DLG2: variants seen among roughly 807,000 people sequenced by gnomAD.
The protein encoded by DLG2 is disks large homolog 2.
Under a neutral mutation model 132.5 loss-of-function variants are expected in DLG2, and 45 were observed. The ratio of observed to expected loss-of-function variants is 0.34; its 90% CI spans 0.27 to 0.44. The LOEUF is 0.44. Among genes scored for constraint, DLG2 ranks in the 20% least tolerant of loss-of-function variants. DLG2 has a pLI of 1.00. For synonymous variants in DLG2, 424 were observed against 419.6 expected, an observed-to-expected ratio of 1.01 and a Z score of -0.13; for missense variants, 1,045 against 1,196.9, an observed-to-expected ratio of 0.87 and a Z score of 1.87.
intron 6 of DLG2, among the ~76,000 whole-genome samples, chr11:84,650,799 T>C (rs1484139379): frequency 1.3e-5 from 2 of 149,760 alleles, no homozygotes; most frequent in Non-Finnish European, 3.0e-5. Flanking sequence ...TGTGTTAATA[T>C]GCTGTAATGG....
intron 3 of DLG2, among the ~76,000 whole-genome samples, chr11:85,386,835 A>G (rs1364821471): frequency 1.3e-5 from 2 of 150,388 alleles, no homozygotes; most frequent in African/African-American, 4.9e-5. Context: ...AGAGAAAGAG[A>G]GGGTAAGACA....
intron 18 of DLG2, among the ~76,000 whole-genome samples, chr11:83,713,915 T>C (rs573864713): frequency 2.1e-4 from 32 of 152,268 alleles, no homozygotes; most frequent in African/African-American, 7.5e-4. Flanking sequence ...GGAACACAGA[T>C]GTCTTTTCAG....
intron 3 of DLG2, among the ~76,000 whole-genome samples, chr11:85,366,822 C>T (rs574048742): frequency 2.6e-5 from 4 of 152,240 alleles, no homozygotes; most frequent in Non-Finnish European, 1.5e-5. Flanking sequence ...GTCTTGAATA[C>T]TATTAATCTT....
intron 7 of DLG2, among the ~76,000 whole-genome samples, chr11:84,488,152 T>G (rs965009934): frequency 6.6e-6 from 1 of 152,022 alleles, no homozygotes; most frequent in Non-Finnish European, 1.5e-5. Flanking sequence ...GAAACTCAAA[T>G]TGGGAGAAAG....
intron 6 of DLG2, among the ~76,000 whole-genome samples, chr11:84,679,468 A>G (rs917507156): frequency 1.3e-5 from 2 of 152,062 alleles, no homozygotes; most frequent in African/African-American, 4.8e-5. Flanking sequence ...TTTTCCTGAG[A>G]TAATGAATGA....
intron 6 of DLG2, among the ~76,000 whole-genome samples, chr11:84,784,343 AATAAAT>A (rs2072448235): frequency 6.8e-6 from 1 of 147,630 alleles, no homozygotes; most frequent in Non-Finnish European, 1.5e-5. Context: ...TAAATAAATA[AATAAAT>A]AAATAAATAA....
At chr11:85,111,455 T>C (rs2072721391) in intron 6 of DLG2, among the ~76,000 whole-genome samples, 1 of 152,148 alleles carries the variant, frequency 6.6e-6, no homozygotes, top group African/African-American at 2.4e-5. Flanking sequence ...TTCCAAGTTA[T>C]CCTGACTCCA....
rs140617980 is a variant in DLG2, at chr11:83,797,129, G to C, written c.1723-10337C>G. Among the ~76,000 whole-genome samples, 233 of 152,208 alleles carry C rather than the reference G, an allele frequency of 1.5e-3. 4 individuals carry two copies. The highest frequency in any genetic ancestry group is 5.0e-3 in the African/African-American group (206 of 41,520). The stretch of plus-strand genomic sequence containing the variant: ...GGCACATATGGAGGGCTGGAGGTGA[G>C]AGAGGGCCTGCACATCTGAAGAACA... On this transcript the variant is annotated intron_variant, in intron 17 of 27. Coordinates refer to ENST00000376104, the MANE Select transcript of DLG2 (RefSeq NM_001142699.3).
chr11:85,221,794 T>G (rs1420347604), intron 4 of DLG2, among the ~76,000 whole-genome samples: 1 of 152,226 alleles, frequency 6.6e-6, no homozygotes. Context: ...TCAAGACCAT[T>G]TGTGCCTGAC....
chr11:84,861,840 A>G (rs1379057784), intron 6 of DLG2, among the ~76,000 whole-genome samples: 1 of 152,086 alleles, frequency 6.6e-6, no homozygotes, highest in African/African-American at 2.4e-5. Context: ...TATGAGAACA[A>G]CAAACATATG....
intron 7 of DLG2, among the ~76,000 whole-genome samples, chr11:84,518,553 C>T (rs2099280600): frequency 6.6e-6 from 1 of 152,096 alleles, no homozygotes; most frequent in Admixed American, 6.6e-5. Flanking sequence ...TCTAACAGAT[C>T]TCACAACTGA....
chr11:84,132,421 T>C (rs1383470042), intron 9 of DLG2, among the ~76,000 whole-genome samples: 1 of 151,922 alleles, frequency 6.6e-6, no homozygotes, highest in African/African-American at 2.4e-5. Context: ...TTTGACTCCC[T>C]ATTATAGTCT....
intron 5 of DLG2, chr11:85,133,235 T>C (rs2075871364): frequency 6.4e-6 from 1 of 156,220 alleles, no homozygotes; most frequent in South Asian, 1.9e-4. Flanking sequence ...TTTGCCAAAG[T>C]CCCCCCTTTG....
At chr11:83,988,841 C>G (rs1357545393) in intron 11 of DLG2, among the ~76,000 whole-genome samples, 1 of 152,092 alleles carries the variant, frequency 6.6e-6, no homozygotes, top group East Asian at 1.9e-4. Flanking sequence ...TTATCCTGCT[C>G]TAGTTTTCAT....
chr11:83,581,040 C>G (rs532938049), intron 19 of DLG2, among the ~76,000 whole-genome samples: 15 of 151,536 alleles, frequency 9.9e-5, no homozygotes, highest in African/African-American at 3.6e-4. Flanking sequence ...ATTAGGCACT[C>G]TGAGAGACAA....
At chr11:84,385,171 G>A (rs1305994178) in intron 7 of DLG2, among the ~76,000 whole-genome samples, 1 of 151,788 alleles carries the variant, frequency 6.6e-6, no homozygotes, top group Non-Finnish European at 1.5e-5. Context: ...ACAAATTCGC[G>A]AATCTAACAC....
At chr11:84,390,971 A>G (rs1303150712) in intron 7 of DLG2, among the ~76,000 whole-genome samples, 2 of 152,132 alleles carry the variant, frequency 1.3e-5, no homozygotes, top group Non-Finnish European at 2.9e-5. Flanking sequence ...GTTGCAGACA[A>G]CAGTTTTAAG....
chr11:84,720,526 C>A, intron 6 of DLG2: 1 of 980,642 alleles, frequency 1.0e-6, no homozygotes, highest in Non-Finnish European at 1.2e-6. Context: ...GTGGCCATCC[C>A]GGAGCCCCGG....
intron 6 of DLG2, among the ~76,000 whole-genome samples, chr11:84,844,449 C>G (rs1035196713): frequency 6.6e-6 from 1 of 151,798 alleles, no homozygotes. Flanking sequence ...TCTCTTCATC[C>G]CTCCAGGGAC....
Sources: gnomAD v4.1 joint callset for allele counts (sites outside exome capture counted in the v4.1 genomes callset) on GRCh38, gnomAD v4.1.1 for gene constraint, MANE v1.5 for transcripts, NCBI Gene and HGNC (gene_info 2026-07-23, HGNC 2026-07-21) for gene names.